Variants in PCDHA3 observed in about 807,000 individuals in gnomAD.
The protein encoded by PCDHA3 is protocadherin alpha 3.
In PCDHA3, 41 loss-of-function variants were observed where a neutral mutation model predicts 62.2. The observed-to-expected ratio is 0.66, with a 90% CI of 0.51 to 0.86. The LOEUF is 0.86. Among genes scored for constraint, PCDHA3 ranks in the 40% least tolerant of loss-of-function variants. PCDHA3 has a pLI of 0.00. For missense variants in PCDHA3, 1,304 were observed against 1,241.2 expected (o/e 1.05, Z -0.76); for synonymous variants, 640 against 555.4 (o/e 1.15, Z -2.14).
At chr5:140,967,954 C>T in intron 1 of PCDHA3, 1 of 1,614,208 alleles carries the variant, frequency 6.2e-7, no homozygotes, top group Non-Finnish European at 8.5e-7. Flanking sequence ...ACTCAGGCCC[C>T]AACCGGAAAG....
intron 1 of PCDHA3, among the ~76,000 whole-genome samples, chr5:140,932,902 T>C (rs1276238248): frequency 6.6e-6 from 1 of 152,002 alleles, no homozygotes; most frequent in Non-Finnish European, 1.5e-5. Context: ...AGGGAAACAA[T>C]AATATTTCAA....
chr5:140,863,116 G>A (rs1554157785), intron 1 of PCDHA3: 7 of 589,834 alleles, frequency 1.2e-5, no homozygotes, highest in African/African-American at 1.9e-5. Flanking sequence ...CGAGGCGAAA[G>A]CTACGCGCCA....
intron 1 of PCDHA3, chr5:140,830,619 TTTC>T (rs1771166923): frequency 5.1e-6 from 3 of 592,920 alleles, no homozygotes; most frequent in East Asian, 7.2e-5. Flanking sequence ...TTTTATTGTG[TTTC>T]TTATTTTAAT....
At chr5:140,870,465 C>A in intron 1 of PCDHA3, 1 of 1,614,208 alleles carries the variant, frequency 6.2e-7, no homozygotes, top group Non-Finnish European at 8.5e-7. Flanking sequence ...CGCCTGCGTT[C>A]GCACAGCCCG....
chr5:140,809,655 AT>A (rs1764521279), intron 1 of PCDHA3: 1 of 1,490,700 alleles, frequency 6.7e-7, no homozygotes, highest in Non-Finnish European at 9.0e-7. Flanking sequence ...TAAGAGTCAA[AT>A]TTCCCTGGGT....
At chr5:140,841,762 G>A in intron 1 of PCDHA3, 1 of 1,613,914 alleles carries the variant, frequency 6.2e-7, no homozygotes, top group Non-Finnish European at 8.5e-7. Context: ...AATCCAGAAT[G>A]CCAGACTCTC....
chr5:140,809,180 G>A (rs782248044), intron 1 of PCDHA3: 1 of 1,614,034 alleles, frequency 6.2e-7, no homozygotes, highest in South Asian at 1.1e-5. Flanking sequence ...CACGGCCACT[G>A]TGCTGGTGTC....
At chr5:140,813,517 G>T (rs1342300406) in intron 1 of PCDHA3, 1 of 152,142 alleles carries the variant, frequency 6.6e-6, no homozygotes, top group Non-Finnish European at 1.5e-5. Flanking sequence ...ACATTGTACA[G>T]ATTTTTAAAA....
intron 1 of PCDHA3, chr5:140,928,768 C>G: frequency 1.2e-6 from 2 of 1,614,136 alleles, no homozygotes; most frequent in Non-Finnish European, 1.7e-6. Context: ...CTTAGTTCTT[C>G]CCACTGATGC....
chr5:140,803,665 T>C, intron 1 of PCDHA3, 74 bp downstream of exon 1: 5 of 1,604,742 alleles, frequency 3.1e-6, no homozygotes, highest in Non-Finnish European at 4.3e-6. Flanking sequence ...CCTCTGGAAA[T>C]ACATTAATAG....
Position 140,883,762 on chromosome 5 carries a change from G to A in PCDHA3, c.2394+80171G>A, listed in dbSNP as rs782515575. 5 of 1,612,794 alleles carry A rather than the reference G, an allele frequency of 3.1e-6. No homozygotes were observed. The South Asian group carries it at 5.5e-5, about 18-fold the overall frequency. On this transcript the variant is annotated intron_variant, in intron 1 of 3. Coordinates refer to ENST00000522353, the MANE Select transcript of PCDHA3 (RefSeq NM_018906.3). ...TCTCCTACTCGCTGGTGGAGCGGCG[G>A]GTGGGCGAGCGTGCGCTGTCGAGCT... is the stretch of plus-strand genomic sequence containing the variant.
chr5:140,870,485 T>C lies in PCDHA3; in HGVS notation c.2394+66894T>C, dbSNP rs1388283363. 1 of 1,614,118 alleles carries C rather than the reference T, an allele frequency of 6.2e-7. No homozygotes were observed. Among genetic ancestry groups the C allele is most frequent in the South Asian group, 1.1e-5 (1 of 91,094 alleles). On this transcript the variant is annotated intron_variant, in intron 1 of 3. Coordinates refer to ENST00000522353, the MANE Select transcript of PCDHA3 (RefSeq NM_018906.3). The stretch of plus-strand genomic sequence containing the variant: ...GCGTTCGCACAGCCCGAGTACACCG[T>C]GTTCGTGAAGGAGAACAACCCACCA...
At chr5:140,883,144 A>C (rs782107481) in intron 1 of PCDHA3, 4 of 1,614,086 alleles carry the variant, frequency 2.5e-6, no homozygotes, top group Non-Finnish European at 3.4e-6. Context: ...TGGTATATGC[A>C]TTTACCATAA....
intron 1 of PCDHA3, chr5:140,830,949 C>T (rs1369947850): frequency 6.6e-6 from 1 of 152,220 alleles, no homozygotes; most frequent in Non-Finnish European, 1.5e-5. Context: ...ATTAAGCTAA[C>T]GCTTTGATTT....
intron 1 of PCDHA3, chr5:140,807,066 C>A (rs1197235806): frequency 1.3e-5 from 15 of 1,141,378 alleles, no homozygotes; most frequent in Admixed American, 9.1e-5. Flanking sequence ...CTGGAAGGAA[C>A]CATATACACT....
At chr5:140,927,720 G>C (rs782475238) in intron 1 of PCDHA3, 8 of 1,614,056 alleles carry the variant, frequency 5.0e-6, no homozygotes, top group Non-Finnish European at 6.8e-6. Flanking sequence ...GCAACAGCAC[G>C]CAAGCAGAGC....
intron 3 of PCDHA3, among the ~76,000 whole-genome samples, chr5:140,997,463 C>A (rs2097770932): frequency 6.6e-6 from 1 of 152,198 alleles, no homozygotes; most frequent in Admixed American, 6.5e-5. Context: ...ATACTGTAGG[C>A]AATTTTTACA....
At chr5:140,957,255 T>C (rs577479092) in intron 1 of PCDHA3, among the ~76,000 whole-genome samples, 88 of 152,306 alleles carry the variant, frequency 5.8e-4, no homozygotes, top group Non-Finnish European at 1.0e-3. Flanking sequence ...AAAATTTAAA[T>C]ATGTAAGCAC....
At chr5:140,914,414 C>A (rs1554196336) in intron 1 of PCDHA3, among the ~76,000 whole-genome samples, 1 of 152,038 alleles carries the variant, frequency 6.6e-6, no homozygotes, top group African/African-American at 2.4e-5. Context: ...GTTTTGTTTC[C>A]ATTAGCAAGG....
Sources: gnomAD v4.1 joint callset for allele counts (sites outside exome capture counted in the v4.1 genomes callset) on GRCh38, gnomAD v4.1.1 for gene constraint, MANE v1.5 for transcripts, NCBI Gene and HGNC (gene_info 2026-07-23, HGNC 2026-07-21) for gene names.